NAV1: variants seen among roughly 807,000 people sequenced by gnomAD.
NAV1 encodes the protein neuron navigator 1.
NAV1 carries 18 observed loss-of-function variants against 175.2 expected under a neutral mutation model. The ratio of observed to expected loss-of-function variants is 0.10; its 90% CI spans 0.07 to 0.15. The LOEUF (loss-of-function observed/expected upper bound fraction) is 0.15, where lower values mean the gene tolerates loss of function less well. NAV1 is among the 10% of genes least tolerant of loss of function. NAV1 has a pLI of 1.00. For missense variants in NAV1, 1,731 were observed against 2,436.6 expected (o/e 0.71, Z 6.10); for synonymous variants, 897 against 978.7 (o/e 0.92, Z 1.56).
chr1:201,795,608 C>T (rs923998698), intron 15 of NAV1: 1 of 152,160 alleles, frequency 6.6e-6, no homozygotes, highest in African/African-American at 2.4e-5. Context: ...GTCGATCCTA[C>T]ATTTCCACCT....
rs183220297 is a variant in NAV1, at chr1:201,803,819, G to A, written c.3639+105G>A. ...CCAGGATTAACCAAGGTGTAGTCCC[G>A]TCTAACACTGAGCCCTAGTGTGATG... On this transcript the variant is annotated intron_variant, in intron 16 of 29. Coordinates refer to ENST00000367296, the Ensembl canonical transcript of NAV1. 2.4e-3 allele frequency: 3,285 copies of A among 1,392,032 alleles called. 10 individuals carry two copies. The highest frequency in any genetic ancestry group is 2.8e-3 in the Non-Finnish European group (2,885 of 1,023,378). 86.2% of individuals were successfully genotyped at this position (1,392,032 alleles called of 1,614,324 possible).
rs1032431444 is a variant in NAV1, at chr1:201,788,092, G to A, written c.2996-376G>A. On this transcript the variant is annotated intron_variant, in intron 9 of 29. Coordinates refer to ENST00000367296, the Ensembl canonical transcript of NAV1. The surrounding 1 kb of genome is among the most constrained non-coding windows in gnomAD (Gnocchi z 5.7). ...TCAGTCCTCCTGAGCTGGCAGTTGT[G>A]TTTTAGAGAACCACAGCATCTCATT... Among the ~76,000 whole-genome samples, 1 of 152,186 alleles carries A rather than the reference G, an allele frequency of 6.6e-6. No individual in the cohort carries two copies. Among genetic ancestry groups the A allele is most frequent in the African/African-American group, 2.4e-5 (1 of 41,438 alleles).
chr1:201,795,692 C>T (rs1677399675), intron 15 of NAV1: 2 of 152,050 alleles, frequency 1.3e-5, no homozygotes, highest in African/African-American at 4.8e-5. Flanking sequence ...TCACTGCAGT[C>T]ACCAGTGACT....
chr1:201,648,582 C>T (rs1669064549), exon 1 of NAV1: 6 of 1,266,648 alleles, frequency 4.7e-6, no homozygotes, highest in South Asian at 3.2e-5. Flanking sequence ...CCTCCTCCCC[C>T]GCCTCCTCCT....
At chr1:201,601,459 G>A (rs924634266) in intron 2 of NAV1, among the ~76,000 whole-genome samples, 2 of 152,166 alleles carry the variant, frequency 1.3e-5, no homozygotes, top group African/African-American at 2.4e-5. Flanking sequence ...CCCCAGCCTC[G>A]GTGAGGGAGT....
At chr1:201,639,324 A>G (rs1224952758) in intron 2 of NAV1, among the ~76,000 whole-genome samples, 1 of 152,190 alleles carries the variant, frequency 6.6e-6, no homozygotes, top group East Asian at 1.9e-4. Flanking sequence ...CAGCGAGGTC[A>G]TCAGGTCAGA....
chr1:201,623,846 G>T (rs957483116), intron 1 of NAV1, among the ~76,000 whole-genome samples: 1 of 152,178 alleles, frequency 6.6e-6, no homozygotes, highest in African/African-American at 2.4e-5. Flanking sequence ...CGACTGTGGG[G>T]AATCCACAAC....
rs35628400 is a variant in NAV1, at chr1:201,543,500, A to AT, written c.-144+4171dup. 3.1e-3 allele frequency among the ~76,000 whole-genome samples: 450 copies of AT among 146,974 alleles called. 5 individuals are homozygous for AT. The highest frequency in any genetic ancestry group is 0.027 in the East Asian group (132 of 4,956). ...TTAGTCCTGGGATAAATCCCTCTGA[A>AT]TTTTTTTTTTTTTATCTGCAAAGTT... On this transcript the variant is annotated intron_variant, in intron 1 of 33. Coordinates refer to the NAV1 transcript ENST00000685211.
chr1:201,560,526 G>A (rs190995229), intron 1 of NAV1, among the ~76,000 whole-genome samples: 117 of 152,272 alleles, frequency 7.7e-4, no homozygotes, highest in Middle Eastern at 3.4e-3. Context: ...CCCTGCATCC[G>A]GGGTGTTTGG....
intron 1 of NAV1, among the ~76,000 whole-genome samples, chr1:201,709,049 T>G (rs1306826217): frequency 6.7e-6 from 1 of 148,804 alleles, no homozygotes; most frequent in African/African-American, 2.5e-5. Context: ...CTCAGGAGGC[T>G]AAGGTGGGAG....
chr1:201,696,806 C>T (rs560555495), intron 1 of NAV1, among the ~76,000 whole-genome samples: 1 of 152,190 alleles, frequency 6.6e-6, no homozygotes, highest in Non-Finnish European at 1.5e-5. Flanking sequence ...AGTTAACTGA[C>T]CTCTCTGAGC....
intron 3 of NAV1, among the ~76,000 whole-genome samples, chr1:201,757,175 A>G (rs193110626): frequency 1.3e-5 from 2 of 152,316 alleles, no homozygotes; most frequent in African/African-American, 4.8e-5. Context: ...GGTACATGCC[A>G]TTGAACATCT....
chr1:201,634,704 A>T (rs1668566516), intron 2 of NAV1, among the ~76,000 whole-genome samples: 1 of 152,216 alleles, frequency 6.6e-6, no homozygotes, highest in Non-Finnish European at 1.5e-5. Flanking sequence ...ATCTCAAGGC[A>T]GTGGATTTGA....
At chr1:201,726,206 G>T (rs1255484396) in intron 3 of NAV1, among the ~76,000 whole-genome samples, 5 of 152,188 alleles carry the variant, frequency 3.3e-5, no homozygotes, top group Non-Finnish European at 7.3e-5. Flanking sequence ...GCTCTAACTT[G>T]CTGTGGCACT....
At chr1:201,565,171 C>G (rs529291503) in intron 1 of NAV1, among the ~76,000 whole-genome samples, 2 of 152,160 alleles carry the variant, frequency 1.3e-5, no homozygotes, top group South Asian at 4.2e-4. Flanking sequence ...GGATTGTTGG[C>G]AGGAATAAAC....
chr1:201,704,610 TTTGTAA>T lies in NAV1; in HGVS notation c.758-8205_758-8200del, dbSNP rs1330424054. ...TGGCATCAGGAAGTCAAGCCCTGGT[TTTGTAA>T]TGGACATCCAATACTGGTGGTATGC... On this transcript the variant is annotated intron_variant, in intron 1 of 29. Transcript: ENST00000367296. 2.0e-5 allele frequency among the ~76,000 whole-genome samples: 3 copies of T among 152,206 alleles called. No individual in the cohort carries two copies. The East Asian group carries it at 5.8e-4, about 29-fold the overall frequency.
chr1:201,539,127 A>C lies in NAV1; in HGVS notation c.-359A>C, dbSNP rs1665426274. Among the ~76,000 whole-genome samples the C allele has an allele frequency of 6.6e-6, 1 of 152,066 alleles. No homozygotes were observed. Among genetic ancestry groups the C allele is most frequent in the Admixed American group, 6.5e-5 (1 of 15,274 alleles). Reference sequence around the variant, plus strand: ...TGTTCAGGATGCCGCCTCCCTCCTCATTGTGGGGCCGGGGCCGGCGGCTGC... The same window carrying C: ...TGTTCAGGATGCCGCCTCCCTCCTCCTTGTGGGGCCGGGGCCGGCGGCTGC... On this transcript the variant is annotated 5_prime_UTR_variant, in exon 1 of 34. Transcript: ENST00000685211. The surrounding 1 kb of genome is among the most constrained non-coding windows in gnomAD (Gnocchi z 5.6).
exon 1 of NAV1, chr1:201,623,410 A>C: frequency 4.1e-6 from 4 of 985,886 alleles, no homozygotes; most frequent in Non-Finnish European, 4.8e-6. Flanking sequence ...AAAAGACCAA[A>C]GAGATATAAA....
chr1:201,706,593 G>C (rs924393199), intron 1 of NAV1, among the ~76,000 whole-genome samples: 1 of 152,146 alleles, frequency 6.6e-6, no homozygotes, highest in Non-Finnish European at 1.5e-5. Context: ...TACAAAATGA[G>C]ATCCTTTCAA....
Sources: allele counts gnomAD v4.1 joint callset (sites outside exome capture counted in the v4.1 genomes callset), GRCh38; gene constraint gnomAD v4.1.1; non-coding constraint Gnocchi (gnomAD v3.1); transcripts MANE v1.5; gene names NCBI Gene and HGNC (gene_info 2026-07-23, HGNC 2026-07-21).